TDRD7: variants seen among roughly 807,000 people sequenced by gnomAD.
TDRD7 encodes tudor domain-containing protein 7.
TDRD7 carries 47 observed loss-of-function variants against 109.8 expected under a neutral mutation model. That is an observed-to-expected ratio of 0.43 (90% CI 0.34 to 0.55). TDRD7 has a LOEUF of 0.55. TDRD7 is among the 20% of genes least tolerant of loss of function. The pLI is 0.03. For missense variants in TDRD7, 1,164 were observed against 1,319.2 expected (o/e 0.88, Z 1.82); for synonymous variants, 424 against 457.3 (o/e 0.93, Z 0.93).
intron 11 of TDRD7, among the ~76,000 whole-genome samples, chr9:97,473,953 C>T (rs1278300939): frequency 1.3e-5 from 2 of 152,198 alleles, no homozygotes; most frequent in East Asian, 3.9e-4. Flanking sequence ...TGCCACAGTG[C>T]AGCTGCCTGT....
chr9:97,437,971 A>G (rs1197682600), intron 4 of TDRD7, among the ~76,000 whole-genome samples: 1 of 152,054 alleles, frequency 6.6e-6, no homozygotes, highest in African/African-American at 2.4e-5. Context: ...TTTCCTCTCC[A>G]GTAGACCTCT....
chr9:97,481,702 C>T (rs1185907377), intron 14 of TDRD7, among the ~76,000 whole-genome samples: 1 of 152,156 alleles, frequency 6.6e-6, no homozygotes, highest in African/African-American at 2.4e-5. Flanking sequence ...TCAGTTGTCA[C>T]ATGATAATAC....
intron 5 of TDRD7, among the ~76,000 whole-genome samples, chr9:97,440,532 A>G (rs1828284480): frequency 6.6e-6 from 1 of 152,208 alleles, no homozygotes; most frequent in Non-Finnish European, 1.5e-5. Context: ...TACCCTTAAT[A>G]GGAAATATAT....
chr9:97,492,596 A>G (rs1359897838), intron 16 of TDRD7, among the ~76,000 whole-genome samples: 1 of 152,240 alleles, frequency 6.6e-6, no homozygotes. Flanking sequence ...AAAAGTGAAT[A>G]TGAAATTGCC....
chr9:97,488,560 GTTTT>G (rs61689126), intron 16 of TDRD7, among the ~76,000 whole-genome samples: 34 of 140,652 alleles, frequency 2.4e-4, no homozygotes, highest in Admixed American at 1.9e-3. Flanking sequence ...AGATTTAATG[GTTTT>G]TTTTTTTTTT....
chr9:97,466,739 A>G (rs1037203883), intron 8 of TDRD7, among the ~76,000 whole-genome samples: 10 of 152,192 alleles, frequency 6.6e-5, no homozygotes, highest in African/African-American at 2.4e-4. Flanking sequence ...AAGAGCAGGT[A>G]AAATTCATCT....
At chr9:97,478,628 A>G in intron 13 of TDRD7, 55 bp downstream of exon 13, 1 of 1,610,244 alleles carries the variant, frequency 6.2e-7, no homozygotes. Context: ...TGTGTTCATA[A>G]TCTTATTGTA....
chr9:97,443,820 T>C (rs182723120), intron 6 of TDRD7, among the ~76,000 whole-genome samples: 1 of 152,232 alleles, frequency 6.6e-6, no homozygotes, highest in Non-Finnish European at 1.5e-5. Flanking sequence ...AGCATTTTTT[T>C]AATCATCAGG....
chr9:97,439,959 TC>T (rs1828273448), intron 5 of TDRD7, among the ~76,000 whole-genome samples: 2 of 152,178 alleles, frequency 1.3e-5, no homozygotes, highest in African/African-American at 4.8e-5. Flanking sequence ...GACAGTGTTT[TC>T]GTATCAGTGC....
intron 6 of TDRD7, among the ~76,000 whole-genome samples, chr9:97,442,345 TTAA>T (rs1446190931): frequency 6.6e-6 from 1 of 152,130 alleles, no homozygotes; most frequent in East Asian, 1.9e-4. Context: ...TATTTTGAAA[TTAA>T]TAATAGTGTT....
chr9:97,476,861 GA>G (rs1829031169), intron 12 of TDRD7, among the ~76,000 whole-genome samples: 1 of 152,010 alleles, frequency 6.6e-6, no homozygotes, highest in South Asian at 2.1e-4. Context: ...TAACTTAATT[GA>G]ATTGATTTTT....
intron 7 of TDRD7, among the ~76,000 whole-genome samples, chr9:97,463,999 G>GT (rs1488884148): frequency 6.6e-6 from 1 of 152,154 alleles, no homozygotes; most frequent in Admixed American, 6.5e-5. Flanking sequence ...TCACAGCTTT[G>GT]TTTTTTCTCT....
At chr9:97,481,065 A>G (rs2131175276) in intron 14 of TDRD7, 127 bp downstream of exon 14, 1 of 791,798 alleles carries the variant, frequency 1.3e-6, no homozygotes, top group South Asian at 1.4e-5. Flanking sequence ...CACATTTTTT[A>G]TATTCAGCAA....
chr9:97,487,245 C>T lies in TDRD7; in HGVS notation c.2989C>T (p.His997Tyr). 6.2e-7 allele frequency: 1 copy of T among 1,613,932 alleles called. No individual in the cohort carries two copies. Among genetic ancestry groups the T allele is most frequent in the East Asian group, 2.2e-5 (1 of 44,860 alleles). ...TGTGTATGAGCTGGATTATGGCAAACACGAATTAGTCAACATAAGAAAAGT... is the reference window on the plus strand; with the variant it reads ...TGTGTATGAGCTGGATTATGGCAAATACGAATTAGTCAACATAAGAAAAGT... ...VSVYELDYGK[H>Y]ELVNIRKVQP... Residue 997 changes from histidine (H) to tyrosine (Y), a missense_variant, in exon 16 of 17, where the codon CAC (histidine) becomes TAC (tyrosine). Transcript: ENST00000355295.
chr9:97,477,769 C>T (rs1474404942), intron 12 of TDRD7, among the ~76,000 whole-genome samples: 1 of 151,870 alleles, frequency 6.6e-6, no homozygotes, highest in Non-Finnish European at 1.5e-5. Context: ...TAGTTTTTCC[C>T]TTATATTTTA....
chr9:97,424,102 G>A (rs1827946291), intron 1 of TDRD7, among the ~76,000 whole-genome samples: 2 of 135,204 alleles, frequency 1.5e-5, no homozygotes, highest in South Asian at 4.8e-4. Context: ...TGTTTAGGCT[G>A]GAGTTCAGTG....
chr9:97,427,021 A>G (rs1419129161), intron 1 of TDRD7, among the ~76,000 whole-genome samples: 1 of 152,232 alleles, frequency 6.6e-6, no homozygotes, highest in Non-Finnish European at 1.5e-5. Flanking sequence ...CCATATTTTA[A>G]GTGCTCAGAG....
intron 16 of TDRD7, among the ~76,000 whole-genome samples, chr9:97,494,548 T>G (rs1829361945): frequency 6.6e-6 from 1 of 152,130 alleles, no homozygotes; most frequent in South Asian, 2.1e-4. Context: ...ATCAAAGAAT[T>G]TAGCCCATTT....
intron 6 of TDRD7, among the ~76,000 whole-genome samples, chr9:97,453,546 C>T (rs1190773350): frequency 5.3e-5 from 8 of 151,430 alleles, no homozygotes; most frequent in African/African-American, 1.9e-4. Context: ...CAGTATGGTA[C>T]GGCAGCCCAC....
Sources: gnomAD v4.1 joint callset for allele counts (sites outside exome capture counted in the v4.1 genomes callset) on GRCh38, gnomAD v4.1.1 for gene constraint, MANE v1.5 for transcripts, NCBI Gene and HGNC (gene_info 2026-07-23, HGNC 2026-07-21) for gene names.